BRSK2: variants seen among roughly 807,000 people sequenced by gnomAD.
The protein encoded by BRSK2 is BR serine/threonine kinase 2.
Under a neutral mutation model 83.3 loss-of-function variants are expected in BRSK2, and 19 were observed. The observed-to-expected ratio is 0.23, with a 90% CI of 0.16 to 0.33. BRSK2 has a LOEUF of 0.33. BRSK2 is among the 10% of genes least tolerant of loss of function. BRSK2 has a pLI of 1.00. For missense variants in BRSK2, 798 were observed against 1,042.3 expected (o/e 0.77, Z 3.23); for synonymous variants, 519 against 435.4 (o/e 1.19, Z -2.39).
chr11:1,433,448 G>T (rs1442446368), intron 1 of BRSK2, among the ~76,000 whole-genome samples: 2 of 152,246 alleles, frequency 1.3e-5, no homozygotes, highest in Admixed American at 1.3e-4. Context: ...CTCTGTCTTG[G>T]CCTCCGGCTG....
At chr11:1,447,564 C>A (rs1006218603) in intron 12 of BRSK2, among the ~76,000 whole-genome samples, 2 of 152,148 alleles carry the variant, frequency 1.3e-5, no homozygotes, top group African/African-American at 4.8e-5. Context: ...CACAGGGCTG[C>A]TGACTGGGGA....
intron 1 of BRSK2, among the ~76,000 whole-genome samples, chr11:1,400,993 C>T (rs986325725): frequency 1.3e-5 from 2 of 152,226 alleles, no homozygotes; most frequent in African/African-American, 2.4e-5. Flanking sequence ...GGCCTCAATG[C>T]GGGGCATGAG....
chr11:1,437,688 G>A (rs181080470), intron 2 of BRSK2, among the ~76,000 whole-genome samples: 8 of 152,344 alleles, frequency 5.3e-5, no homozygotes, highest in African/African-American at 1.9e-4. Flanking sequence ...GGCCCACAGA[G>A]GCCTGTCCCG....
intron 1 of BRSK2, among the ~76,000 whole-genome samples, chr11:1,401,344 C>T (rs565014054): frequency 5.3e-5 from 8 of 152,350 alleles, no homozygotes; most frequent in East Asian, 1.9e-4. Flanking sequence ...GCCCGGGGTG[C>T]GGGTGCCCTC....
intron 1 of BRSK2, among the ~76,000 whole-genome samples, chr11:1,392,024 G>T (rs1384261960): frequency 5.9e-5 from 9 of 152,156 alleles, no homozygotes; most frequent in Admixed American, 5.2e-4. Flanking sequence ...AACAGCTCGA[G>T]GGGGGGCACA....
chr11:1,391,865 C>T (rs1365193165), intron 1 of BRSK2, among the ~76,000 whole-genome samples: 2 of 152,056 alleles, frequency 1.3e-5, no homozygotes, highest in South Asian at 2.1e-4. Flanking sequence ...GTGCTGTGCG[C>T]GGCCTCGGTG....
At position 1,390,830 on chromosome 11, in the gene BRSK2, G is replaced by A. The variant is rs569078820; in HGVS notation, c.91+455G>A. Reference sequence around the variant, plus strand: ...GGCGGGACTCCCACCTCCGCGCGCCGGCCACCGGGGCCTCCGGGCAGGCCC... The same window carrying A: ...GGCGGGACTCCCACCTCCGCGCGCCAGCCACCGGGGCCTCCGGGCAGGCCC... On this transcript the variant is annotated intron_variant, in intron 1 of 19. Transcript: ENST00000528841. This position sits in a 1 kb window ranked among gnomAD's most constrained non-coding sequence, Gnocchi z 6.8. Among the ~76,000 whole-genome samples the A allele has an allele frequency of 6.6e-6, 1 of 152,116 alleles. No homozygotes were observed. The highest frequency in any genetic ancestry group is 2.1e-4 in the South Asian group (1 of 4,838).
chr11:1,403,918 G>A (rs563047610), intron 1 of BRSK2, among the ~76,000 whole-genome samples: 7 of 152,186 alleles, frequency 4.6e-5, no homozygotes, highest in Admixed American at 2.6e-4. Flanking sequence ...GCCCAACTTG[G>A]GACGGTGGCA....
intron 1 of BRSK2, among the ~76,000 whole-genome samples, chr11:1,425,890 T>A (rs571507477): frequency 1.8e-4 from 28 of 152,148 alleles, no homozygotes; most frequent in Non-Finnish European, 4.0e-4. Context: ...ACGCTGAGTT[T>A]CCTGGGTACA....
Position 1,450,668 on chromosome 11 carries a change from G to A in BRSK2, c.1369G>A (p.Ala457Thr). The change falls in exon 14 of 20, where the codon GCT (alanine) becomes ACT (threonine). Residue 457 changes from alanine to threonine, a missense_variant. Ala to Thr is a moderately conservative substitution (Grantham distance 58, BLOSUM62 0). Coordinates refer to ENST00000528841, the MANE Select transcript of BRSK2 (RefSeq NM_001256627.2). ...TPVHTPKESP[A>T]GTPNPTPPSS... is the part of the protein sequence containing the mutation. ...TGTCCACACGCCAAAGGAGAGCCCG[G>A]CTGGCACGCCCAACCCCACGCCCCC... 3 of 1,609,354 alleles carry A rather than the reference G, an allele frequency of 1.9e-6. No homozygotes were observed. Among genetic ancestry groups the A allele is most frequent in the South Asian group, 1.1e-5 (1 of 90,668 alleles).
intron 1 of BRSK2, among the ~76,000 whole-genome samples, chr11:1,394,158 A>C (rs1319145150): frequency 4.2e-5 from 3 of 71,892 alleles, no homozygotes; most frequent in East Asian, 4.8e-4. Context: ...GAGATGGGCC[A>C]TGGAGATGGG....
intron 1 of BRSK2, among the ~76,000 whole-genome samples, chr11:1,416,924 G>A (rs1255123866): frequency 2.0e-5 from 3 of 152,140 alleles, no homozygotes; most frequent in African/African-American, 7.2e-5. Context: ...ACTTTGGGAG[G>A]TCAAGGAGGG....
chr11:1,405,640 G>A lies in BRSK2; in HGVS notation c.91+15265G>A, dbSNP rs917566492. On this transcript the variant is annotated intron_variant, in intron 1 of 19. Transcript: ENST00000528841. ...TACCCCCAAGGGCACAGGCTTGGCC[G>A]TTGACCTTTGCTCCCCAGCTTTGAG... Among the ~76,000 whole-genome samples the A allele has an allele frequency of 9.2e-5, 14 of 152,148 alleles. 1 individual carries two copies. The highest frequency in any genetic ancestry group is 2.1e-4 in the South Asian group (1 of 4,832).
intron 14 of BRSK2, 128 bp downstream of exon 14, chr11:1,450,922 C>A (rs1845743386): frequency 1.1e-6 from 1 of 892,840 alleles, no homozygotes; most frequent in Non-Finnish European, 1.7e-6. Flanking sequence ...CTGGGCCTGC[C>A]CACGTCTCAC....
At chr11:1,420,058 C>T (rs1590405894) in intron 1 of BRSK2, among the ~76,000 whole-genome samples, 1 of 152,256 alleles carries the variant, frequency 6.6e-6, no homozygotes, top group Non-Finnish European at 1.5e-5. Flanking sequence ...AGAGCCTCCT[C>T]TTTCTTGGAT....
chr11:1,440,714 T>C lies in BRSK2; in HGVS notation c.273-74T>C, dbSNP rs1028321735. On this transcript the variant is annotated intron_variant, in intron 3 of 19. Coordinates refer to ENST00000528841, the MANE Select transcript of BRSK2 (RefSeq NM_001256627.2). Reference sequence around the variant, plus strand: ...CAGAGAGGCTGGGCCAGGAGGCGGCTGTGGGAGGCCCTGGGATGAGGAGGG... The same window carrying C: ...CAGAGAGGCTGGGCCAGGAGGCGGCCGTGGGAGGCCCTGGGATGAGGAGGG... 5 of 1,502,036 alleles carry C rather than the reference T, an allele frequency of 3.3e-6. No homozygotes were observed. The African/African-American group carries it at 6.9e-5, about 21-fold the overall frequency. The allele number at this position is 1,502,036 out of a possible 1,614,324, so 93.0% of individuals were successfully genotyped here.
chr11:1,451,969 C>T (rs1450994090), intron 15 of BRSK2, among the ~76,000 whole-genome samples: 2 of 152,202 alleles, frequency 1.3e-5, no homozygotes, highest in African/African-American at 4.8e-5. Flanking sequence ...AGAGAGACCC[C>T]TTCCCAGCGC....
Position 1,454,744 on chromosome 11 carries a change from C to G in BRSK2, c.1668+136C>G. On this transcript the variant is annotated intron_variant, in intron 16 of 19. Transcript: ENST00000528841. This position sits in a 1 kb window ranked among gnomAD's most constrained non-coding sequence, Gnocchi z 5.2. Reference sequence around the variant, plus strand: ...GGACGTCCGCTCACCCGTGGGCCTGCCTGGCCGCCTTCACTGGACAGGCGC... The same window carrying G: ...GGACGTCCGCTCACCCGTGGGCCTGGCTGGCCGCCTTCACTGGACAGGCGC... 8.5e-7 allele frequency: 1 copy of G among 1,173,118 alleles called. No individual in the cohort carries two copies. 72.7% of individuals were successfully genotyped at this position (1,173,118 alleles called of 1,614,324 possible).
intron 2 of BRSK2, 30 bp downstream of exon 2, chr11:1,436,164 C>T (rs1327325792): frequency 3.0e-4 from 23 of 75,934 alleles, no homozygotes; most frequent in South Asian, 1.8e-3. Context: ...GAGGCGGGGC[C>T]GGCGGTGGGG....
Sources: allele counts gnomAD v4.1 joint callset (sites outside exome capture counted in the v4.1 genomes callset), GRCh38; gene constraint gnomAD v4.1.1; non-coding constraint Gnocchi (gnomAD v3.1); transcripts MANE v1.5; gene names NCBI Gene and HGNC (gene_info 2026-07-23, HGNC 2026-07-21).